The following NXN variants were observed in gnomAD, a reference collection of about 807,000 sequenced individuals.
The protein encoded by NXN is nucleoredoxin 1.
Under a neutral mutation model 48.6 loss-of-function variants are expected in NXN, and 16 were observed. That is an observed-to-expected ratio of 0.33 (90% confidence interval 0.22 to 0.50). NXN has a LOEUF of 0.50. Ranked by LOEUF, NXN falls within the 20% of genes least tolerant of loss-of-function variation. The pLI is 0.98. For missense variants in NXN, 492 were observed against 605.5 expected, an observed-to-expected ratio of 0.81 and a Z score of 1.97; for synonymous variants, 281 against 269.6, an observed-to-expected ratio of 1.04 and a Z score of -0.41.
At chr17:873,490 C>A (rs1303710344) in intron 1 of NXN, among the ~76,000 whole-genome samples, 1 of 76,852 alleles carries the variant, frequency 1.3e-5, no homozygotes, top group Admixed American at 1.2e-4. Context: ...GAGACACTGT[C>A]TCCAAAAAAA....
intron 1 of NXN, among the ~76,000 whole-genome samples, chr17:901,292 G>A (rs1203597321): frequency 6.6e-6 from 1 of 152,178 alleles, no homozygotes; most frequent in African/African-American, 2.4e-5. Flanking sequence ...AACATGCAGG[G>A]ATCTGTGGGG....
intron 1 of NXN, among the ~76,000 whole-genome samples, chr17:878,879 G>C (rs2068250717): frequency 6.6e-6 from 1 of 152,050 alleles, no homozygotes; most frequent in African/African-American, 2.4e-5. Flanking sequence ...AGAATGCGTA[G>C]ACAGGCCAGG....
At chr17:877,668 G>A (rs1268595537) in intron 1 of NXN, among the ~76,000 whole-genome samples, 1 of 152,182 alleles carries the variant, frequency 6.6e-6, no homozygotes, top group South Asian at 2.1e-4. Context: ...CGGGGAAGAT[G>A]CTTAGAACAA....
chr17:891,438 T>C (rs1307778454), intron 1 of NXN, among the ~76,000 whole-genome samples: 1 of 152,200 alleles, frequency 6.6e-6, no homozygotes, highest in African/African-American at 2.4e-5. Flanking sequence ...AGCATCCATA[T>C]CTGCCTTTAA....
rs112363540 is a variant in NXN at position 811,509 on chromosome 17, T to TGGGG, written c.821-6266_821-6263dup. Among the ~76,000 whole-genome samples, 103 of 143,364 alleles carry TGGGG rather than the reference T, an allele frequency of 7.2e-4. 1 individual carries two copies. The highest frequency in any genetic ancestry group is 3.4e-3 in the South Asian group (15 of 4,414). 94.1% of individuals were successfully genotyped at this position (143,364 alleles called of 152,430 possible). ...CCCAGGCTGCGTAAAGCCCCGGGGT[T>TGGGG]GGGGGGGGGGCAGCACTCTGGAAGC... On this transcript the variant is annotated intron_variant, in intron 5 of 7. Transcript: ENST00000336868.
intron 1 of NXN, among the ~76,000 whole-genome samples, chr17:916,623 G>T (rs1469894097): frequency 1.3e-5 from 2 of 152,140 alleles, no homozygotes; most frequent in Non-Finnish European, 2.9e-5. Context: ...AAGCACTCAG[G>T]ATTTTAACAT....
chr17:912,079 A>G (rs2068641942), intron 1 of NXN, among the ~76,000 whole-genome samples: 1 of 151,898 alleles, frequency 6.6e-6, no homozygotes, highest in Non-Finnish European at 1.5e-5. Flanking sequence ...CAGGGATTAC[A>G]GGCGCCCGCT....
chr17:868,988 C>T (rs1193168692), intron 1 of NXN, among the ~76,000 whole-genome samples: 2 of 152,126 alleles, frequency 1.3e-5, no homozygotes, highest in African/African-American at 2.4e-5. Context: ...TTGGAGCTTC[C>T]CAGGGCCCCG....
At chr17:959,413 G>A (rs1043589061) in intron 1 of NXN, 2 of 203,872 alleles carry the variant, frequency 9.8e-6, no homozygotes, top group Non-Finnish European at 2.0e-5. Flanking sequence ...GGGCGCCACT[G>A]GCCTGAGGAC....
At chr17:867,640 A>C (rs1375774205) in intron 1 of NXN, among the ~76,000 whole-genome samples, 1 of 152,160 alleles carries the variant, frequency 6.6e-6, no homozygotes, top group African/African-American at 2.4e-5. Flanking sequence ...TGAAAAGTCT[A>C]AACAGGCCAG....
intron 5 of NXN, among the ~76,000 whole-genome samples, chr17:808,356 G>T (rs982462284): frequency 6.6e-6 from 1 of 150,874 alleles, no homozygotes; most frequent in Non-Finnish European, 1.5e-5. Flanking sequence ...AGGCTGGAGT[G>T]CAGTGGCGCG....
chr17:885,847 ATT>A (rs71145784), intron 1 of NXN, among the ~76,000 whole-genome samples: 19 of 145,314 alleles, frequency 1.3e-4, no homozygotes, highest in Admixed American at 5.5e-4. Flanking sequence ...CGCCCGGCTA[ATT>A]TTTTTTTTTT....
chr17:977,411 G>A (rs930666142), intron 1 of NXN, among the ~76,000 whole-genome samples: 5 of 152,204 alleles, frequency 3.3e-5, no homozygotes, highest in African/African-American at 1.2e-4. Flanking sequence ...TCCAGGCTAG[G>A]GCCGCAGAAT....
intron 7 of NXN, among the ~76,000 whole-genome samples, chr17:801,880 A>G (rs1206227325): frequency 6.6e-6 from 1 of 152,094 alleles, no homozygotes; most frequent in Admixed American, 6.6e-5. Flanking sequence ...CTGTGTTCCA[A>G]CTCCCACCCC....
chr17:888,928 C>G (rs1378522538), intron 1 of NXN, among the ~76,000 whole-genome samples: 1 of 145,198 alleles, frequency 6.9e-6, no homozygotes, highest in African/African-American at 2.6e-5. Flanking sequence ...GCACTCCAGC[C>G]TGGGGGCGAC....
At chr17:977,472 C>T (rs992405703) in intron 1 of NXN, among the ~76,000 whole-genome samples, 2 of 152,190 alleles carry the variant, frequency 1.3e-5, no homozygotes, top group Admixed American at 1.3e-4. Flanking sequence ...CCAGCCATGG[C>T]CCATGTCCTA....
At chr17:886,480 G>A (rs1324512271) in intron 1 of NXN, among the ~76,000 whole-genome samples, 1 of 152,122 alleles carries the variant, frequency 6.6e-6, no homozygotes, top group African/African-American at 2.4e-5. Context: ...TTCGCTCCAC[G>A]GGAACCAACA....
chr17:812,887 T>TG (rs1482579905), intron 5 of NXN, among the ~76,000 whole-genome samples: 1 of 147,854 alleles, frequency 6.8e-6, no homozygotes, highest in East Asian at 2.0e-4. Flanking sequence ...TGCGCACATG[T>TG]GAATGTAGGT....
intron 1 of NXN, among the ~76,000 whole-genome samples, chr17:844,805 A>T (rs2067841742): frequency 6.6e-6 from 1 of 151,962 alleles, no homozygotes; most frequent in Non-Finnish European, 1.5e-5. Context: ...GGCTGGTCTC[A>T]AGCTCTTGAC....
Sources: allele counts gnomAD v4.1 joint callset (sites outside exome capture counted in the v4.1 genomes callset), GRCh38; gene constraint gnomAD v4.1.1; transcripts MANE v1.5; gene names NCBI Gene and HGNC (gene_info 2026-07-23, HGNC 2026-07-21).